The following INSYN2A variants were observed in gnomAD, a reference collection of about 807,000 sequenced individuals.
INSYN2A encodes the protein inhibitory synaptic factor 2A, also known as family with sequence similarity 196 member A.
INSYN2A carries 17 observed loss-of-function variants against 39.4 expected under a neutral mutation model. The ratio of observed to expected loss-of-function variants is 0.43; its 90% CI spans 0.30 to 0.65. The LOEUF is 0.65. INSYN2A is among the 30% of genes least tolerant of loss of function. INSYN2A has a pLI of 0.14. For missense variants in INSYN2A, 595 were observed against 631.2 expected (o/e 0.94, Z 0.61); for synonymous variants, 255 against 265.7 (o/e 0.96, Z 0.39).
rs2050784686 is a variant in INSYN2A at position 127,137,312 on chromosome 10, C to T, written c.*525G>A. On this transcript the variant is annotated 3_prime_UTR_variant, in exon 6 of 6. Transcript: ENST00000522781. ...ACATTTTAGAGATTATTCATGGTCT[C>T]CGACCACTTGAAAAAATTGTGCTTT... 2.0e-5 allele frequency: 3 copies of T among 153,184 alleles called. No homozygotes were observed. Among genetic ancestry groups the T allele is most frequent in the Non-Finnish European group, 2.9e-5 (2 of 68,496 alleles). The allele number at this position is 153,184 out of a possible 1,614,324, so 9.5% of individuals were successfully genotyped here. A position where few individuals can be genotyped will look rare whatever the true frequency, so the allele number is the denominator to read the frequency against.
intron 2 of INSYN2A, among the ~76,000 whole-genome samples, chr10:127,180,399 A>G (rs1186804647): frequency 6.6e-6 from 1 of 152,206 alleles, no homozygotes; most frequent in African/African-American, 2.4e-5. Flanking sequence ...GCAGGAGTTC[A>G]TAAAGTTTAT....
chr10:127,174,001 T>G (rs2054828614), intron 4 of INSYN2A, among the ~76,000 whole-genome samples: 1 of 152,224 alleles, frequency 6.6e-6, no homozygotes, highest in South Asian at 2.1e-4. Context: ...TCTCCACTGC[T>G]GGAGCTGGGC....
At chr10:127,148,030 C>CAAAA (rs57503481) in intron 5 of INSYN2A, among the ~76,000 whole-genome samples, 11 of 63,276 alleles carry the variant, frequency 1.7e-4, no homozygotes, top group Non-Finnish European at 3.0e-4. Flanking sequence ...GACTCTGTCT[C>CAAAA]AAAAAAAAAA....
At chr10:127,184,642 G>T (rs2056059976) in intron 2 of INSYN2A, among the ~76,000 whole-genome samples, 1 of 152,082 alleles carries the variant, frequency 6.6e-6, no homozygotes, top group African/African-American at 2.4e-5. Context: ...CATCTTTCTA[G>T]ATTTCTCTTG....
At chr10:127,156,556 CTTCTTCTTTTTTTTTT>C (rs1438987537) in intron 4 of INSYN2A, among the ~76,000 whole-genome samples, 3 of 94,808 alleles carry the variant, frequency 3.2e-5, no homozygotes, top group African/African-American at 1.2e-4. Flanking sequence ...TCTTCTTCTT[CTTCTTCTTTTTTTTTT>C]TTTTTTTTTT....
At position 127,137,514 on chromosome 10, in the gene INSYN2A, A is replaced by G; in HGVS notation, c.*323T>C. On this transcript the variant is annotated 3_prime_UTR_variant, in exon 6 of 6. Transcript: ENST00000522781. ...GCTGTGTACAGGGTGACAGCCTGCC[A>G]TCTCGCAGGTTGATAATGTATTACT... The G allele has an allele frequency of 4.1e-6, 1 of 243,388 alleles. No homozygotes were observed. The highest frequency in any genetic ancestry group is 1.3e-4 in the South Asian group (1 of 7,620). 15.1% of individuals were successfully genotyped at this position (243,388 alleles called of 1,614,324 possible).
intron 5 of INSYN2A, among the ~76,000 whole-genome samples, chr10:127,144,516 A>G (rs762891028): frequency 3.3e-5 from 5 of 152,240 alleles, no homozygotes; most frequent in Non-Finnish European, 7.3e-5. Context: ...TTGTTGAATT[A>G]CAATAAACTG....
intron 5 of INSYN2A, among the ~76,000 whole-genome samples, chr10:127,153,211 A>G (rs1463733239): frequency 6.6e-6 from 1 of 152,264 alleles, no homozygotes; most frequent in Non-Finnish European, 1.5e-5. Flanking sequence ...AAGGATAGCC[A>G]TCCTTCTGAA....
At chr10:127,149,592 A>G (rs1056520070) in intron 5 of INSYN2A, among the ~76,000 whole-genome samples, 3 of 152,136 alleles carry the variant, frequency 2.0e-5, no homozygotes, top group African/African-American at 4.8e-5. Flanking sequence ...GTGGATAGCT[A>G]TGCTGCTCGG....
chr10:127,168,823 G>C, intron 4 of INSYN2A, among the ~76,000 whole-genome samples: 1 of 152,296 alleles, frequency 6.6e-6, no homozygotes, highest in Non-Finnish European at 1.5e-5. Context: ...CACAGCTGCT[G>C]CAGCGGTGCA....
chr10:127,158,807 G>T lies in INSYN2A; in HGVS notation c.1185-4884C>A, dbSNP rs528364302. Among the ~76,000 whole-genome samples the T allele has an allele frequency of 1.3e-5, 2 of 152,302 alleles. 1 individual carries two copies. Among genetic ancestry groups the T allele is most frequent in the African/African-American group, 4.8e-5 (2 of 41,570 alleles). On this transcript the variant is annotated intron_variant, in intron 4 of 5. Coordinates refer to ENST00000522781, the MANE Select transcript of INSYN2A (RefSeq NM_001039762.3). ...ATGTATCGTCCCATGGCAGTTAGTTGTAAGTATTCTCTTAACAATGCATAT... is the reference window on the plus strand; with the variant it reads ...ATGTATCGTCCCATGGCAGTTAGTTTTAAGTATTCTCTTAACAATGCATAT...
rs560318494 is a variant in INSYN2A at position 127,194,421 on chromosome 10, A to G, written c.-395+1576T>C. 9.8e-5 allele frequency among the ~76,000 whole-genome samples: 15 copies of G among 152,378 alleles called. No individual in the cohort carries two copies. The East Asian group carries it at 2.5e-3, about 25-fold the overall frequency. ...CTAATCATTCTTGCAAAAAAATTGC[A>G]AAGATAAATATGAACTTTCAAAAGT... is the stretch of plus-strand genomic sequence containing the variant. On this transcript the variant is annotated intron_variant, in intron 1 of 5. Transcript: ENST00000522781.
Position 127,175,171 on chromosome 10 carries a change from C to A in INSYN2A, c.1184+41G>T. The A allele has an allele frequency of 6.6e-7, 1 of 1,525,848 alleles. No homozygotes were observed. The highest frequency in any genetic ancestry group is 1.2e-5 in the South Asian group (1 of 81,198). The allele number at this position is 1,525,848 out of a possible 1,614,324, so 94.5% of individuals were successfully genotyped here. A position where few individuals can be genotyped will look rare whatever the true frequency, so the allele number is the denominator to read the frequency against. On this transcript the variant is annotated intron_variant, in intron 4 of 5. Coordinates refer to ENST00000522781, the MANE Select transcript of INSYN2A (RefSeq NM_001039762.3). The surrounding 1 kb of genome is among the most constrained non-coding windows in gnomAD (Gnocchi z 6.3). ...GGCTACAGATGGACTCTGTGGTGAT[C>A]AGCCTGCATAGCTTCCTAAGACATG...
chr10:127,180,414 C>T (rs967309588), intron 2 of INSYN2A, among the ~76,000 whole-genome samples: 21 of 152,080 alleles, frequency 1.4e-4, no homozygotes, highest in African/African-American at 3.6e-4. Flanking sequence ...GTTTATTTTT[C>T]GTAAGAAAAT....
intron 4 of INSYN2A, among the ~76,000 whole-genome samples, chr10:127,154,967 C>G (rs577169418): frequency 1.3e-5 from 2 of 152,290 alleles, no homozygotes; most frequent in South Asian, 2.1e-4. Context: ...TCCTCTCTGA[C>G]ATTTTTAACA....
rs1466441421 is a variant in INSYN2A at position 127,193,379 on chromosome 10, T to A, written c.-394-649A>T. ...GATGCTATGGACGCGTTGAACAGCATCCTTCACAAGCGTTAAAATCCGTGG... is the reference window on the plus strand; with the variant it reads ...GATGCTATGGACGCGTTGAACAGCAACCTTCACAAGCGTTAAAATCCGTGG... On this transcript the variant is annotated intron_variant, in intron 1 of 5. Transcript: ENST00000522781. Among the ~76,000 whole-genome samples the A allele has an allele frequency of 8.5e-5, 13 of 152,324 alleles. No homozygotes were observed. In the South Asian group the frequency reaches 2.7e-3, roughly 32 times the overall value.
intron 4 of INSYN2A, among the ~76,000 whole-genome samples, chr10:127,164,955 T>C (rs2053946921): frequency 6.6e-6 from 1 of 152,232 alleles, no homozygotes; most frequent in Non-Finnish European, 1.5e-5. Flanking sequence ...GCCGAGTTGA[T>C]TAACTTATTT....
At chr10:127,163,095 C>G (rs1041759118) in intron 4 of INSYN2A, among the ~76,000 whole-genome samples, 1 of 152,196 alleles carries the variant, frequency 6.6e-6, no homozygotes, top group African/African-American at 2.4e-5. Context: ...TTGTTTGTGG[C>G]TCTCTTGCAG....
chr10:127,163,025 C>T (rs563208584), intron 4 of INSYN2A, among the ~76,000 whole-genome samples: 66 of 152,180 alleles, frequency 4.3e-4, no homozygotes, highest in Admixed American at 7.9e-4. Flanking sequence ...GGTCCGGGCC[C>T]GGCTTCTCTC....
Sources: allele counts gnomAD v4.1 joint callset (sites outside exome capture counted in the v4.1 genomes callset), GRCh38; gene constraint gnomAD v4.1.1; non-coding constraint Gnocchi (gnomAD v3.1); transcripts MANE v1.5; gene names NCBI Gene and HGNC (gene_info 2026-07-23, HGNC 2026-07-21).